ZEB2: variants seen among roughly 807,000 people sequenced by gnomAD.
ZEB2 encodes the protein zinc finger E-box binding homeobox 2, also known as zinc finger E-box-binding homeobox 2.
Under a neutral mutation model 99.9 loss-of-function variants are expected in ZEB2, and 6 were observed. That is an observed-to-expected ratio of 0.06 (90% confidence interval 0.03 to 0.12). The LOEUF (loss-of-function observed/expected upper bound fraction) is 0.12. Ranked by LOEUF, ZEB2 falls within the 10% of genes least tolerant of loss-of-function variation. The pLI is 1.00. For synonymous variants in ZEB2, 517 were observed against 542.5 expected (o/e 0.95, Z 0.65); for missense variants, 969 against 1,502.8 (o/e 0.64, Z 5.87).
At chr2:144,452,973 G>A (rs1704075102) in intron 2 of ZEB2, among the ~76,000 whole-genome samples, 1 of 147,354 alleles carries the variant, frequency 6.8e-6, no homozygotes, top group South Asian at 2.1e-4. Context: ...TCCTGATAAG[G>A]GAATTCATTT....
At chr2:144,411,121 TATACAC>T (rs1294531840) in intron 4 of ZEB2, among the ~76,000 whole-genome samples, 3 of 106,678 alleles carry the variant, frequency 2.8e-5, no homozygotes, top group Non-Finnish European at 5.7e-5. Context: ...GCATCTCATA[TATACAC>T]ACACACACAC....
chr2:144,429,443 C>A, intron 3 of ZEB2: 1 of 329,886 alleles, frequency 3.0e-6, no homozygotes, highest in South Asian at 3.1e-5. Flanking sequence ...CATTTCCTAT[C>A]ATGAAAGTAT....
chr2:144,414,378 T>C lies in ZEB2; in HGVS notation c.404-9354A>G, dbSNP rs193015489. On this transcript the variant is annotated intron_variant, in intron 4 of 9. Transcript: ENST00000627532. ...TTGTCAAGAGCTTCAAGACAGCAAC[T>C]GCAGAGCCAACCAAGCAGCCCTTCT... is the stretch of plus-strand genomic sequence containing the variant. Among the ~76,000 whole-genome samples, 374 of 152,270 alleles carry C rather than the reference T, an allele frequency of 2.5e-3. 4 individuals are homozygous for C. Among genetic ancestry groups the C allele is most frequent in the Non-Finnish European group, 2.8e-3 (193 of 68,006 alleles).
intron 2 of ZEB2, among the ~76,000 whole-genome samples, chr2:144,503,019 C>T (rs557601507): frequency 9.2e-5 from 14 of 152,160 alleles, no homozygotes; most frequent in African/African-American, 3.4e-4. Flanking sequence ...ATGTGACAAT[C>T]CAGTGTTGGA....
intron 4 of ZEB2, among the ~76,000 whole-genome samples, chr2:144,413,662 C>T (rs940393335): frequency 3.9e-5 from 6 of 152,298 alleles, no homozygotes; most frequent in Middle Eastern, 3.4e-3. Flanking sequence ...GTGATAGATA[C>T]AACCAAGAAG....
chr2:144,483,249 T>C (rs1419593335), intron 2 of ZEB2, among the ~76,000 whole-genome samples: 2 of 152,020 alleles, frequency 1.3e-5, no homozygotes. Context: ...CCCGGCTCTT[T>C]TTCACATTAA....
intron 2 of ZEB2, chr2:144,512,287 C>T (rs1022184383): frequency 1.6e-6 from 2 of 1,287,066 alleles, no homozygotes; most frequent in Non-Finnish European, 2.0e-6. Context: ...AGAAAATGCA[C>T]CTTAAAAGCC....
intron 9 of ZEB2, among the ~76,000 whole-genome samples, chr2:144,393,177 C>A (rs911136884): frequency 1.3e-5 from 2 of 152,182 alleles, no homozygotes; most frequent in African/African-American, 2.4e-5. Flanking sequence ...ACAATTAATT[C>A]TGTTGAAGTC....
chr2:144,424,660 A>C, intron 4 of ZEB2, 136 bp downstream of exon 4: 1 of 1,059,384 alleles, frequency 9.4e-7, no homozygotes. Flanking sequence ...ATTTGAAACA[A>C]AACCAGAGAC....
intron 4 of ZEB2, among the ~76,000 whole-genome samples, chr2:144,405,629 G>T (rs979118097): frequency 6.6e-6 from 1 of 150,572 alleles, no homozygotes; most frequent in East Asian, 1.9e-4. Context: ...AAAAGCACCA[G>T]AATGTGGCAT....
chr2:144,517,291 G>C lies in ZEB2; in HGVS notation c.60C>G (p.Pro20=). Residue 20 remains proline, a synonymous_variant, in exon 2 of 10, where the codon CCC becomes CCG. Coordinates refer to ENST00000627532, the MANE Select transcript of ZEB2 (RefSeq NM_014795.4). The part of the protein sequence containing the change: ...PRCKRRKQAN[P]RRKNVVNYDN... ...GCTGCTTCTTACCGTTTTTCCTCCT[G>C]GGATTGGCTTGTTTGCGCCTCTTGC... The C allele has an allele frequency of 1.2e-6, 2 of 1,613,562 alleles. No homozygotes were observed. Among genetic ancestry groups the C allele is most frequent in the Non-Finnish European group, 1.7e-6 (2 of 1,179,830 alleles).
chr2:144,489,101 G>A (rs749038620), intron 2 of ZEB2, among the ~76,000 whole-genome samples: 155 of 152,094 alleles, frequency 1.0e-3, no homozygotes, highest in Non-Finnish European at 1.8e-3. Flanking sequence ...CAGATCTCTA[G>A]AATTTACACG....
chr2:144,512,509 C>T, intron 2 of ZEB2: 1 of 1,287,186 alleles, frequency 7.8e-7, no homozygotes, highest in Non-Finnish European at 1.0e-6. Flanking sequence ...AAGGGAAACA[C>T]TGAAACCTAT....
At chr2:144,434,584 A>G (rs1703813462) in intron 2 of ZEB2, among the ~76,000 whole-genome samples, 1 of 152,198 alleles carries the variant, frequency 6.6e-6, no homozygotes, top group South Asian at 2.1e-4. Context: ...AATGCAATCT[A>G]AGTTTAAACC....
At chr2:144,447,351 TTAGCTTACCCATAAA>T (rs750764734) in intron 2 of ZEB2, among the ~76,000 whole-genome samples, 1 of 152,222 alleles carries the variant, frequency 6.6e-6, no homozygotes, top group Non-Finnish European at 1.5e-5. Flanking sequence ...CTGGTTCTTC[TTAGCTTACCCATAAA>T]ATGTATTATG....
intron 2 of ZEB2, among the ~76,000 whole-genome samples, chr2:144,465,286 A>C (rs115027240): frequency 0.012 from 1,797 of 152,198 alleles, 45 homozygotes; most frequent in African/African-American, 0.042. Context: ...GTCTCCTCCA[A>C]AGCTAGGATG....
chr2:144,405,733 G>A (rs1703377294), intron 4 of ZEB2, among the ~76,000 whole-genome samples: 1 of 152,100 alleles, frequency 6.6e-6, no homozygotes, highest in Non-Finnish European at 1.5e-5. Context: ...AAAATAAAAA[G>A]TAACAGAGGG....
chr2:144,514,457 C>T (rs1014915467), intron 2 of ZEB2: 2 of 152,132 alleles, frequency 1.3e-5, no homozygotes, highest in African/African-American at 4.8e-5. Flanking sequence ...TTTTGATAAG[C>T]ATCATCATAT....
chr2:144,456,588 TA>T (rs985526048), intron 2 of ZEB2, among the ~76,000 whole-genome samples: 28 of 152,110 alleles, frequency 1.8e-4, no homozygotes, highest in East Asian at 3.9e-4. Flanking sequence ...GTATCTGGTG[TA>T]AAAAAAATTA....
Sources: gnomAD v4.1 joint callset for allele counts (sites outside exome capture counted in the v4.1 genomes callset) on GRCh38, gnomAD v4.1.1 for gene constraint, MANE v1.5 for transcripts, NCBI Gene and HGNC (gene_info 2026-07-23, HGNC 2026-07-21) for gene names.